The following LTBP1 variants were observed in gnomAD, a reference collection of about 807,000 sequenced individuals.
The protein encoded by LTBP1 is latent transforming growth factor beta binding protein 1.
LTBP1 carries 129 observed loss-of-function variants against 207.6 expected under a neutral mutation model. The observed-to-expected ratio is 0.62, with a 90% CI of 0.54 to 0.72. The LOEUF (loss-of-function observed/expected upper bound fraction) is 0.72, where lower values mean the gene tolerates loss of function less well. LTBP1 is among the 30% of genes least tolerant of loss of function. LTBP1 has a pLI of 0.00. For synonymous variants in LTBP1, 963 were observed against 833.7 expected (o/e 1.16, Z -2.67); for missense variants, 2,281 against 2,217.2 (o/e 1.03, Z -0.58).
intron 2 of LTBP1, among the ~76,000 whole-genome samples, chr2:32,959,613 A>ATTTTTTTTTT (rs71407488): frequency 4.9e-4 from 18 of 36,764 alleles, no homozygotes; most frequent in Non-Finnish European, 7.7e-4. Flanking sequence ...ATATATATAT[A>ATTTTTTTTTT]TATATATATT....
At chr2:33,183,187 C>T (rs2086851412) in intron 5 of LTBP1, among the ~76,000 whole-genome samples, 1 of 152,180 alleles carries the variant, frequency 6.6e-6, no homozygotes, top group Non-Finnish European at 1.5e-5. Flanking sequence ...TGGGAATCTT[C>T]ATCCTGTTCA....
At chr2:33,140,493 A>G (rs1415996355) in intron 5 of LTBP1, among the ~76,000 whole-genome samples, 2 of 152,230 alleles carry the variant, frequency 1.3e-5, no homozygotes, top group Non-Finnish European at 2.9e-5. Context: ...GTTTCAATAC[A>G]ATAGTAAAAG....
chr2:32,947,274 G>A lies in LTBP1; in HGVS notation c.-51G>A, dbSNP rs1212059774. On this transcript the variant is annotated 5_prime_UTR_variant, in exon 1 of 34. Coordinates refer to ENST00000404816, the MANE Select transcript of LTBP1 (RefSeq NM_206943.4). ...GCGGGGAAAGGCGAGCCGCACGGCC[G>A]GGGGAGGGGGCCGGACCGCGCGCGA... 1.7e-6 allele frequency: 2 copies of A among 1,194,442 alleles called. No homozygotes were observed. The highest frequency in any genetic ancestry group is 2.1e-6 in the Non-Finnish European group (2 of 960,444). 74.0% of individuals were successfully genotyped at this position (1,194,442 alleles called of 1,614,324 possible).
chr2:33,112,955 A>C (rs1293869764), intron 4 of LTBP1, among the ~76,000 whole-genome samples: 2 of 152,198 alleles, frequency 1.3e-5, no homozygotes, highest in African/African-American at 4.8e-5. Context: ...TTAATTTTTT[A>C]TTGTGCTGAA....
At chr2:33,056,723 T>A (rs2077019184) in intron 3 of LTBP1, among the ~76,000 whole-genome samples, 1 of 151,696 alleles carries the variant, frequency 6.6e-6, no homozygotes, top group African/African-American at 2.4e-5. Flanking sequence ...TCGTGGTGAG[T>A]GTTACAGCTC....
At chr2:33,067,268 A>G (rs1220138256) in intron 3 of LTBP1, among the ~76,000 whole-genome samples, 2 of 152,252 alleles carry the variant, frequency 1.3e-5, no homozygotes, top group Non-Finnish European at 2.9e-5. Context: ...TGCAGAGTTG[A>G]TAATGAATTC....
At chr2:33,277,696 C>T (rs1439903758) in intron 18 of LTBP1, among the ~76,000 whole-genome samples, 1 of 151,558 alleles carries the variant, frequency 6.6e-6, no homozygotes, top group African/African-American at 2.4e-5. Flanking sequence ...ATTTGACAAG[C>T]ATTTATGTGC....
At chr2:33,059,987 G>A (rs1196829889) in intron 3 of LTBP1, among the ~76,000 whole-genome samples, 2 of 152,236 alleles carry the variant, frequency 1.3e-5, no homozygotes, top group African/African-American at 4.8e-5. Context: ...GCTAAGAGAA[G>A]TTTGGAATAA....
chr2:33,339,837 G>T (rs182011248), intron 24 of LTBP1, among the ~76,000 whole-genome samples: 4 of 151,952 alleles, frequency 2.6e-5, no homozygotes, highest in Admixed American at 2.0e-4. Context: ...TAGAGACGGG[G>T]TTTCTCCAAG....
chr2:33,052,434 G>A (rs1024337058), intron 3 of LTBP1, among the ~76,000 whole-genome samples: 1 of 152,204 alleles, frequency 6.6e-6, no homozygotes, highest in Non-Finnish European at 1.5e-5. Context: ...GGGAAAATAG[G>A]AACCAGACCA....
chr2:33,100,610 C>T (rs2079671740), intron 3 of LTBP1, among the ~76,000 whole-genome samples: 1 of 152,044 alleles, frequency 6.6e-6, no homozygotes, highest in African/African-American at 2.4e-5. Flanking sequence ...GTACATGCAC[C>T]GTGCTGTGCA....
At chr2:33,375,940 CTATTTA>C (rs144777607) in intron 31 of LTBP1, among the ~76,000 whole-genome samples, 4,337 of 152,140 alleles carry the variant, frequency 0.029, 151 homozygotes, top group African/African-American at 0.085. Context: ...TTTTATCATC[CTATTTA>C]TAAGTCCAAT....
In LTBP1 at chr2:33,361,524, C is replaced by G; in HGVS notation, c.4270+9C>G. 6.3e-7 allele frequency: 1 copy of G among 1,596,990 alleles called. No individual in the cohort carries two copies. Among genetic ancestry groups the G allele is most frequent in the Non-Finnish European group, 8.6e-7 (1 of 1,166,378 alleles). Reference sequence around the variant, plus strand: ...TGGTGAGAACTATAAAGGTCAGAATCAAGTGGAAACAAATTTTCAGCACAT... The same window carrying G: ...TGGTGAGAACTATAAAGGTCAGAATGAAGTGGAAACAAATTTTCAGCACAT... On this transcript the variant is annotated intron_variant, in intron 28 of 33. Coordinates refer to ENST00000404816, the MANE Select transcript of LTBP1 (RefSeq NM_206943.4).
At chr2:33,114,456 T>C (rs977388792) in intron 4 of LTBP1, among the ~76,000 whole-genome samples, 1 of 152,170 alleles carries the variant, frequency 6.6e-6, no homozygotes, top group African/African-American at 2.4e-5. Context: ...CTCAATCCAC[T>C]GAAAACATCT....
intron 7 of LTBP1, among the ~76,000 whole-genome samples, chr2:33,204,668 C>T (rs1432840572): frequency 6.6e-6 from 1 of 152,002 alleles, no homozygotes; most frequent in Non-Finnish European, 1.5e-5. Flanking sequence ...CAAGCTCAAA[C>T]TCTCGGGCTC....
intron 4 of LTBP1, among the ~76,000 whole-genome samples, chr2:33,116,616 T>C (rs541477116): frequency 1.3e-5 from 2 of 151,808 alleles, no homozygotes; most frequent in Non-Finnish European, 2.9e-5. Context: ...GTGTAAACAA[T>C]TTCAGGAAAG....
intron 13 of LTBP1, among the ~76,000 whole-genome samples, chr2:33,261,697 G>C (rs547554011): frequency 6.6e-6 from 1 of 152,316 alleles, no homozygotes; most frequent in Non-Finnish European, 1.5e-5. Flanking sequence ...GTTGGAATGA[G>C]AGCCTGGATG....
At chr2:33,202,587 C>A (rs944170087) in intron 7 of LTBP1, among the ~76,000 whole-genome samples, 1 of 152,214 alleles carries the variant, frequency 6.6e-6, no homozygotes, top group South Asian at 2.1e-4. Flanking sequence ...TATTGTAACA[C>A]TTTTCACACT....
chr2:33,125,629 G>A (rs567478121), intron 4 of LTBP1, among the ~76,000 whole-genome samples: 35 of 152,000 alleles, frequency 2.3e-4, no homozygotes, highest in African/African-American at 7.7e-4. Flanking sequence ...TCAGGACTTC[G>A]AGACCAGCCT....
Sources: gnomAD v4.1 joint callset for allele counts (sites outside exome capture counted in the v4.1 genomes callset) on GRCh38, gnomAD v4.1.1 for gene constraint, MANE v1.5 for transcripts, NCBI Gene and HGNC (gene_info 2026-07-23, HGNC 2026-07-21) for gene names.